The following AVEN variants were observed in gnomAD, a reference collection of about 807,000 sequenced individuals.
The protein encoded by AVEN is cell death regulator Aven.
In AVEN, 41 loss-of-function variants were observed where a neutral mutation model predicts 38.1. The ratio of observed to expected loss-of-function variants is 1.08; its 90% CI spans 0.84 to 1.40. AVEN has a LOEUF of 1.40. Among genes scored for constraint, AVEN ranks in the 40% most tolerant of loss-of-function variants. The pLI is 0.00. For synonymous variants in AVEN, 206 were observed against 171.8 expected (o/e 1.20, Z -1.56); for missense variants, 605 against 438.8 (o/e 1.38, Z -3.38).
At chr15:34,010,871 T>A (rs531723953) in intron 1 of AVEN, among the ~76,000 whole-genome samples, 1 of 152,230 alleles carries the variant, frequency 6.6e-6, no homozygotes. Flanking sequence ...ACTTTTATAT[T>A]TGTAAACCTA....
intron 1 of AVEN, among the ~76,000 whole-genome samples, chr15:34,027,971 T>C (rs1387875758): frequency 6.6e-6 from 1 of 152,144 alleles, no homozygotes; most frequent in African/African-American, 2.4e-5. Flanking sequence ...AGAAAAGATC[T>C]GAGAAGGCCC....
At chr15:33,992,404 A>C (rs1036531326) in intron 2 of AVEN, among the ~76,000 whole-genome samples, 2 of 152,132 alleles carry the variant, frequency 1.3e-5, no homozygotes, top group Admixed American at 1.3e-4. Context: ...AAAAAGAAAA[A>C]AGAAAATCAA....
At chr15:33,977,453 G>A (rs942467724) in intron 2 of AVEN, among the ~76,000 whole-genome samples, 2 of 152,006 alleles carry the variant, frequency 1.3e-5, no homozygotes, top group African/African-American at 4.8e-5. Flanking sequence ...AATGAATTCC[G>A]GTTTCAAACC....
intron 2 of AVEN, among the ~76,000 whole-genome samples, chr15:33,932,719 G>A (rs1208615085): frequency 6.6e-6 from 1 of 152,066 alleles, no homozygotes; most frequent in Non-Finnish European, 1.5e-5. Context: ...CAGCTACTCA[G>A]GAGGCTGAGG....
intron 2 of AVEN, among the ~76,000 whole-genome samples, chr15:33,900,502 TTTGCCATG>T (rs1892448070): frequency 2.0e-5 from 3 of 152,004 alleles, no homozygotes; most frequent in African/African-American, 4.8e-5. Flanking sequence ...GAGACATGGT[TTTGCCATG>T]TTGCCCAGGC....
At chr15:34,025,027 T>TG (rs1441575437) in intron 1 of AVEN, among the ~76,000 whole-genome samples, 1 of 149,722 alleles carries the variant, frequency 6.7e-6, no homozygotes, top group Admixed American at 6.7e-5. Context: ...AAAAATTAGC[T>TG]GGGCATGGTG....
chr15:33,863,176 C>G (rs1412003618), downstream of AVEN, among the ~76,000 whole-genome samples: 1 of 152,080 alleles, frequency 6.6e-6, no homozygotes, highest in Non-Finnish European at 1.5e-5. Flanking sequence ...GGAAAGAACC[C>G]AATTTTATTC....
At chr15:34,027,550 A>G (rs1193247618) in intron 1 of AVEN, among the ~76,000 whole-genome samples, 1 of 137,166 alleles carries the variant, frequency 7.3e-6, no homozygotes, top group Non-Finnish European at 1.7e-5. Context: ...AAGAAAGAAA[A>G]CGAACAGCCT....
intron 1 of AVEN, among the ~76,000 whole-genome samples, chr15:34,010,319 TC>T (rs2140661555): frequency 6.6e-6 from 1 of 152,214 alleles, no homozygotes; most frequent in Non-Finnish European, 1.5e-5. Context: ...ACCTTTTCTT[TC>T]CAAAATAAAT....
chr15:33,896,594 G>T (rs569750241), intron 2 of AVEN, among the ~76,000 whole-genome samples: 2 of 151,988 alleles, frequency 1.3e-5, no homozygotes, highest in African/African-American at 4.8e-5. Context: ...CACCCACCAC[G>T]GCCAATTTCA....
At chr15:33,883,903 T>C (rs551733147) in intron 2 of AVEN, among the ~76,000 whole-genome samples, 2 of 152,314 alleles carry the variant, frequency 1.3e-5, no homozygotes, top group Admixed American at 1.3e-4. Context: ...ATTCTAACCC[T>C]CACTTTATAG....
rs573882505 is a variant in AVEN, at chr15:33,925,604, G to C, written c.446-49609C>G. The stretch of plus-strand genomic sequence containing the variant: ...TGTTAATTGCATAAGACACTTAAAA[G>C]TAATTCCTGCCCATCAGCACGGGTG... On this transcript the variant is annotated intron_variant, in intron 2 of 5. Coordinates refer to ENST00000306730, the MANE Select transcript of AVEN (RefSeq NM_020371.3). Among the ~76,000 whole-genome samples the C allele has an allele frequency of 4.6e-5, 7 of 152,308 alleles. No individual in the cohort carries two copies. In the South Asian group the frequency reaches 1.5e-3, roughly 32 times the overall value.
intron 2 of AVEN, among the ~76,000 whole-genome samples, chr15:33,905,143 A>G (rs1393353281): frequency 6.6e-6 from 1 of 151,662 alleles, no homozygotes; most frequent in Non-Finnish European, 1.5e-5. Flanking sequence ...AAAAAAAAAA[A>G]AAAAAAAAAA....
intron 1 of AVEN, among the ~76,000 whole-genome samples, chr15:34,073,989 CTTTTTTTTT>C (rs5811818): frequency 6.4e-5 from 2 of 31,472 alleles, no homozygotes; most frequent in Admixed American, 5.0e-4. Flanking sequence ...TCTTCTTCTT[CTTTTTTTTT>C]TTTTTTTTTT....
At chr15:34,039,391 T>C (rs1318885830), upstream of AVEN, among the ~76,000 whole-genome samples, 1 of 132,966 alleles carries the variant, frequency 7.5e-6, no homozygotes, top group Non-Finnish European at 1.6e-5. Context: ...AAAATAAAAT[T>C]TGTATGATGT....
chr15:33,999,283 C>A (rs751137829), intron 2 of AVEN, among the ~76,000 whole-genome samples: 7 of 152,212 alleles, frequency 4.6e-5, no homozygotes, highest in Admixed American at 6.5e-5. Flanking sequence ...CTCTATGACT[C>A]CCTTCAAATT....
chr15:33,963,106 G>C (rs1452216044), intron 2 of AVEN, among the ~76,000 whole-genome samples: 2 of 152,096 alleles, frequency 1.3e-5, no homozygotes, highest in African/African-American at 4.8e-5. Flanking sequence ...TGTGTAAAAT[G>C]GATGGCAGGA....
intron 2 of AVEN, among the ~76,000 whole-genome samples, chr15:33,978,139 C>T (rs1001115267): frequency 6.6e-6 from 1 of 151,974 alleles, no homozygotes; most frequent in Non-Finnish European, 1.5e-5. Context: ...ACCAGAAAAC[C>T]TTAGCGATCC....
At chr15:33,875,515 T>C (rs145464714) in intron 3 of AVEN, among the ~76,000 whole-genome samples, 62 of 152,306 alleles carry the variant, frequency 4.1e-4, no homozygotes, top group African/African-American at 1.5e-3. Context: ...AGGAGAAGTG[T>C]TATTTAAAGC....
Sources: gnomAD v4.1 joint callset for allele counts (sites outside exome capture counted in the v4.1 genomes callset) on GRCh38, gnomAD v4.1.1 for gene constraint, MANE v1.5 for transcripts, NCBI Gene and HGNC (gene_info 2026-07-23, HGNC 2026-07-21) for gene names.